The following MIGA2 variants were observed in gnomAD, a reference collection of about 807,000 sequenced individuals.
The protein encoded by MIGA2 is mitoguardin 2.
MIGA2 carries 36 observed loss-of-function variants against 69.9 expected under a neutral mutation model. The observed-to-expected ratio is 0.52, with a 90% CI of 0.39 to 0.68. MIGA2 has a LOEUF of 0.68. MIGA2 is among the 30% of genes least tolerant of loss of function. The pLI is 0.00. For synonymous variants in MIGA2, 333 were observed against 349.2 expected (o/e 0.95, Z 0.52); for missense variants, 660 against 787.7 (o/e 0.84, Z 1.94).
rs1338774235 is a variant in MIGA2, at chr9:129,040,551, A to G, written c.-44A>G. 1.9e-6 allele frequency: 3 copies of G among 1,582,592 alleles called. No individual in the cohort carries two copies. The highest frequency in any genetic ancestry group is 2.7e-5 in the African/African-American group (2 of 74,248). On this transcript the variant is annotated 5_prime_UTR_variant, in exon 2 of 16. Transcript: ENST00000684074. The stretch of plus-strand genomic sequence containing the variant: ...AACCAGTTGAAGACGTTCTCCTTGG[A>G]AGCTCTTGGCCCTGAGGACTTTGCC...
Position 129,069,162 on chromosome 9 carries a change from C to T in MIGA2, c.1458+33C>T. 6.2e-7 allele frequency: 1 copy of T among 1,613,270 alleles called. No homozygotes were observed. Among genetic ancestry groups the T allele is most frequent in the South Asian group, 1.1e-5 (1 of 91,080 alleles). ...ACTGGCAGGCCCGGGGGAGCACGAG[C>T]TGGGCTCTGAGGCAGCGTGGTGGGG... On this transcript the variant is annotated intron_variant, in intron 14 of 15. Coordinates refer to ENST00000684074, the MANE Select transcript of MIGA2 (RefSeq NM_001329990.2). The surrounding 1 kb of genome is among the most constrained non-coding windows in gnomAD (Gnocchi z 4.9).
rs1002567151 is a variant in MIGA2 at position 129,063,571 on chromosome 9, G to C, written c.1110G>C (p.Gln370His). 1 of 1,597,550 alleles carries C rather than the reference G, an allele frequency of 6.3e-7. No individual in the cohort carries two copies. Among genetic ancestry groups the C allele is most frequent in the Admixed American group, 1.7e-5 (1 of 58,930 alleles). ...GGCTTCTGGAAGACAAGAGTAACCA[G>C]CTTTTCTTCGGGAAAGTGGGCCGAC... The part of the protein sequence containing the change: ...FEGLLEDKSN[Q>H]LFFGKVGRQM... Residue 370 changes from glutamine to histidine, a missense_variant, in exon 11 of 16, where the codon CAG becomes CAC. This residue lies in a region of MIGA2 where 386 missense variants were observed against 402.0 expected (regional missense o/e 0.96). Transcript: ENST00000684074.
intron 3 of MIGA2, among the ~76,000 whole-genome samples, chr9:129,043,051 G>A (rs745471652): frequency 7.9e-5 from 12 of 151,968 alleles, no homozygotes; most frequent in African/African-American, 1.9e-4. Context: ...AAAATTAGCC[G>A]GGCATGGTGA....
In MIGA2 at chr9:129,044,150, C is replaced by T. The variant is rs368680888; in HGVS notation, c.307+1636C>T. Reference sequence around the variant, plus strand: ...CTGGGATTACAGGTGCATGAAACCACGCCCGGCTAATTTTTGTATTTTGAG... The same window carrying T: ...CTGGGATTACAGGTGCATGAAACCATGCCCGGCTAATTTTTGTATTTTGAG... On this transcript the variant is annotated intron_variant, in intron 3 of 15. Transcript: ENST00000684074. Among the ~76,000 whole-genome samples, 15 of 151,156 alleles carry T rather than the reference C, an allele frequency of 9.9e-5. No homozygotes were observed. In the East Asian group the frequency reaches 2.6e-3, roughly 26 times the overall value.
At chr9:129,067,474 G>A in intron 11 of MIGA2, 1 of 373,624 alleles carries the variant, frequency 2.7e-6, no homozygotes, top group South Asian at 4.1e-5. Flanking sequence ...ACCTTCAGCT[G>A]CCTGACTCTA....
intron 6 of MIGA2, among the ~76,000 whole-genome samples, chr9:129,057,839 C>A (rs1299840776): frequency 6.6e-6 from 1 of 152,024 alleles, no homozygotes; most frequent in African/African-American, 2.4e-5. Context: ...CTTCTGGGCT[C>A]AAGGGATCCT....
At chr9:129,045,745 T>TA (rs1206631696) in intron 3 of MIGA2, among the ~76,000 whole-genome samples, 2 of 151,436 alleles carry the variant, frequency 1.3e-5, no homozygotes, top group African/African-American at 2.4e-5. Flanking sequence ...CTGTCTCTGT[T>TA]AAAAAAATAA....
intron 6 of MIGA2, among the ~76,000 whole-genome samples, chr9:129,052,881 G>A (rs371468178): frequency 3.3e-5 from 5 of 152,168 alleles, no homozygotes; most frequent in African/African-American, 2.4e-5. Flanking sequence ...TTGCAGCTGC[G>A]TCAGGTCCTG....
intron 6 of MIGA2, among the ~76,000 whole-genome samples, chr9:129,054,779 T>G (rs1279822278): frequency 2.6e-5 from 4 of 152,256 alleles, no homozygotes; most frequent in Admixed American, 1.3e-4. Flanking sequence ...TTTTTGGCTC[T>G]TATGAATAAT....
At chr9:129,040,728 A>G in intron 2 of MIGA2, 38 bp downstream of exon 2, 2 of 1,580,932 alleles carry the variant, frequency 1.3e-6, no homozygotes, top group Non-Finnish European at 1.7e-6. Context: ...GGTCTATGAA[A>G]CACTTCCATG....
At position 129,042,348 on chromosome 9, in the gene MIGA2, C is replaced by A. The variant is rs1274274020; in HGVS notation, c.141C>A (p.Val47=). The A allele has an allele frequency of 6.2e-7, 1 of 1,613,242 alleles. No individual in the cohort carries two copies. The highest frequency in any genetic ancestry group is 1.1e-5 in the South Asian group (1 of 91,042). Residue 47 remains valine, a synonymous_variant, in exon 3 of 16, where the codon GTC becomes GTA. Transcript: ENST00000684074. ...QLRLTPGLRK[V]LFATALGTVA... ...GGTTGACGCCAGGCCTGCGGAAAGT[C>A]CTCTTTGCCACGGCCCTGGGGACTG...
chr9:129,068,424 C>T lies in MIGA2; in HGVS notation c.1404+92C>T. 1 of 1,530,856 alleles carries T rather than the reference C, an allele frequency of 6.5e-7. No homozygotes were observed. The highest frequency in any genetic ancestry group is 8.8e-7 in the Non-Finnish European group (1 of 1,134,786). 94.8% of individuals were successfully genotyped at this position (1,530,856 alleles called of 1,614,324 possible). A position where few individuals can be genotyped will look rare whatever the true frequency, so the allele number is the denominator to read the frequency against. The stretch of plus-strand genomic sequence containing the variant: ...TCCCCTCTGTCCCTAGCACTGGCAC[C>T]AGGGCTGGGCCCCCACCCCCTAGAT... On this transcript the variant is annotated intron_variant, in intron 13 of 15. Transcript: ENST00000684074. The surrounding 1 kb of genome is among the most constrained non-coding windows in gnomAD (Gnocchi z 4.1).
chr9:129,067,620 GCTGAGTAGGAGACACTT>G lies in MIGA2; in HGVS notation c.1171-150_1171-134del, dbSNP rs1337436423. On this transcript the variant is annotated intron_variant, in intron 11 of 15. Transcript: ENST00000684074. ...CTGGTTCTCTGGAGAAGCCTGCTGT[GCTGAGTAGGAGACACTT>G]CTCTGCCACGTTTTCTCTGTGCCTG... The G allele has an allele frequency of 5.0e-5, 33 of 659,152 alleles. No individual in the cohort carries two copies. The African/African-American group carries it at 5.8e-4, about 12-fold the overall frequency. The allele number at this position is 659,152 out of a possible 1,614,324, so 40.8% of individuals were successfully genotyped here.
At chr9:129,040,421 C>T (rs1351946635) in intron 1 of MIGA2, 31 bp from the exon 2 acceptor site, 8 of 1,356,482 alleles carry the variant, frequency 5.9e-6, no homozygotes, top group Non-Finnish European at 7.7e-6. Flanking sequence ...TGTGCACGTT[C>T]TCTTATCTGA....
intron 1 of MIGA2, among the ~76,000 whole-genome samples, chr9:129,037,833 C>T (rs548256834): frequency 6.6e-6 from 1 of 152,296 alleles, no homozygotes; most frequent in African/African-American, 2.4e-5. Context: ...AACCCTGCCA[C>T]AGCCTTGAGA....
At position 129,069,537 on chromosome 9, in the gene MIGA2, G is replaced by A. The variant is rs559736093; in HGVS notation, c.1459-312G>A. The A allele has an allele frequency of 3.8e-6, 2 of 521,300 alleles. No homozygotes were observed. The highest frequency in any genetic ancestry group is 7.0e-6 in the Non-Finnish European group (2 of 287,370). 32.3% of individuals were successfully genotyped at this position (521,300 alleles called of 1,614,324 possible). ...GACTGGCTGTGCTATCTGGCCTGTG[G>A]TTTGTCGTTCCCCTCTGCGGGCCAG... On this transcript the variant is annotated intron_variant, in intron 14 of 15. Transcript: ENST00000684074. The surrounding 1 kb of genome is among the most constrained non-coding windows in gnomAD (Gnocchi z 4.9).
chr9:129,055,267 G>A (rs1041717391), intron 6 of MIGA2, among the ~76,000 whole-genome samples: 1 of 151,560 alleles, frequency 6.6e-6, no homozygotes, highest in East Asian at 1.9e-4. Context: ...TAGTAGAGAC[G>A]GGGTTTCTGC....
rs1197414338 is a variant in MIGA2 at position 129,068,660 on chromosome 9, A to C, written c.1404+328A>C. 2.4e-5 allele frequency: 10 copies of C among 410,864 alleles called. No individual in the cohort carries two copies. Among genetic ancestry groups the C allele is most frequent in the Non-Finnish European group, 4.5e-5 (10 of 224,186 alleles). The allele number at this position is 410,864 out of a possible 1,614,324, so 25.5% of individuals were successfully genotyped here. A position where few individuals can be genotyped will look rare whatever the true frequency, so the allele number is the denominator to read the frequency against. The stretch of plus-strand genomic sequence containing the variant: ...AGGGGAAAGCAAAACCAAAAGGAAA[A>C]AAAGGCACAGAGTGAGAGACAACCC... On this transcript the variant is annotated intron_variant, in intron 13 of 15. Coordinates refer to ENST00000684074, the MANE Select transcript of MIGA2 (RefSeq NM_001329990.2). This position sits in a 1 kb window ranked among gnomAD's most constrained non-coding sequence, Gnocchi z 4.1.
At chr9:129,054,942 C>T (rs888549688) in intron 6 of MIGA2, among the ~76,000 whole-genome samples, 3 of 151,288 alleles carry the variant, frequency 2.0e-5, no homozygotes, top group South Asian at 2.1e-4. Flanking sequence ...CCCTGGCTGG[C>T]GTGCAGTGGC....
Sources: allele counts gnomAD v4.1 joint callset (sites outside exome capture counted in the v4.1 genomes callset), GRCh38; gene constraint gnomAD v4.1.1; regional missense constraint gnomAD v4.1.1; non-coding constraint Gnocchi (gnomAD v3.1); transcripts MANE v1.5; gene names NCBI Gene and HGNC (gene_info 2026-07-23, HGNC 2026-07-21).